STXBP2: variants seen among roughly 807,000 people sequenced by gnomAD.
STXBP2 encodes the protein syntaxin-binding protein 2.
STXBP2 carries 47 observed loss-of-function variants against 72.2 expected under a neutral mutation model. The ratio of observed to expected loss-of-function variants is 0.65; its 90% CI spans 0.51 to 0.83. The LOEUF (loss-of-function observed/expected upper bound fraction) is 0.83. Ranked by LOEUF, STXBP2 falls within the 40% of genes least tolerant of loss-of-function variation. The pLI, the probability that STXBP2 is intolerant of heterozygous loss-of-function variation, is 0.00. For missense variants in STXBP2, 702 were observed against 807.6 expected, an observed-to-expected ratio of 0.87 and a Z score of 1.58; for synonymous variants, 367 against 338.7, an observed-to-expected ratio of 1.08 and a Z score of -0.92.
upstream of STXBP2, chr19:7,632,194 G>A (rs2031342055): frequency 1.2e-6 from 1 of 814,230 alleles, no homozygotes; most frequent in Non-Finnish European, 1.9e-6. The surrounding 1 kb of genome is among the most constrained non-coding windows in gnomAD (Gnocchi z 5.2). Flanking sequence ...TTCCAGCCAT[G>A]GGTCTTACAC....
rs114628602 is a variant in STXBP2, at chr19:7,644,710, G to A, written c.1204G>A (p.Asp402Asn). ...VLLDAAVPAY[D>N]KIRVLLLYIL... ...GCTGGACGCGGCGGTGCCCGCCTACGACAAGATCCGGGTCCTGCTGCTCTA... is the reference window on the plus strand; with the variant it reads ...GCTGGACGCGGCGGTGCCCGCCTACAACAAGATCCGGGTCCTGCTGCTCTA... The change falls in exon 14 of 19, where the codon GAC becomes AAC. Residue 402 changes from aspartate to asparagine, a missense_variant. Coordinates refer to ENST00000221283, the MANE Select transcript of STXBP2 (RefSeq NM_006949.4). 6.6e-5 allele frequency: 106 copies of A among 1,613,806 alleles called. No individual in the cohort carries two copies. The highest frequency in any genetic ancestry group is 5.2e-4 in the South Asian group (47 of 91,088).
intron 4 of STXBP2, chr19:7,640,332 ATGCGTGTGTG>A: frequency 2.1e-6 from 1 of 473,694 alleles, no homozygotes; most frequent in Non-Finnish European, 3.9e-6. Flanking sequence ...GTGCGTGTGT[ATGCGTGTGTG>A]TATGCGTCTG....
At chr19:7,630,318 G>T in the STXBP2 span, 1 of 549,288 alleles carries the variant, frequency 1.8e-6, no homozygotes, top group Non-Finnish European at 3.3e-6. Flanking sequence ...TGTAGCTGGG[G>T]CGTCTGTGTG....
chr19:7,641,279 A>T, intron 6 of STXBP2: 1 of 523,638 alleles, frequency 1.9e-6, no homozygotes, highest in African/African-American at 1.9e-5. Context: ...CTGGGGTGGG[A>T]GAGTCGCTTG....
chr19:7,639,177 C>A, intron 3 of STXBP2, 77 bp downstream of exon 3: 1 of 1,480,604 alleles, frequency 6.8e-7, no homozygotes, highest in Non-Finnish European at 9.3e-7. Context: ...AGGGTTCAGC[C>A]CTTGAGTGTA....
chr19:7,630,971 G>T, the STXBP2 span: 1 of 1,224,062 alleles, frequency 8.2e-7, no homozygotes, highest in South Asian at 1.3e-5. Context: ...GGGCATGGGA[G>T]GCTGAGGTGG....
At chr19:7,630,733 C>T in the STXBP2 span, 1 of 1,532,314 alleles carries the variant, frequency 6.5e-7, no homozygotes, top group South Asian at 1.2e-5. Flanking sequence ...CTGCTGGGGA[C>T]TAATGTCTGC....
At chr19:7,634,972 G>A (rs1386707953), upstream of STXBP2, among the ~76,000 whole-genome samples, 2 of 152,304 alleles carry the variant, frequency 1.3e-5, no homozygotes, top group South Asian at 4.1e-4. Flanking sequence ...ATCTTACAAG[G>A]ACACCAGTGA....
At chr19:7,641,123 G>A (rs1413317078) in intron 6 of STXBP2, 120 bp downstream of exon 6, 1 of 1,040,492 alleles carries the variant, frequency 9.6e-7, no homozygotes, top group Admixed American at 2.0e-5. Context: ...CCAGCGCTGT[G>A]GGAGGCCAGG....
At chr19:7,637,854 TCTCTC>T (rs1013414219) in intron 1 of STXBP2, among the ~76,000 whole-genome samples, 15 of 152,168 alleles carry the variant, frequency 9.9e-5, no homozygotes, top group Non-Finnish European at 1.8e-4. Context: ...CCCCGTTACT[TCTCTC>T]CACTCTCTCC....
At chr19:7,645,412 G>A in intron 15 of STXBP2, 106 bp downstream of exon 15, 1 of 1,157,630 alleles carries the variant, frequency 8.6e-7, no homozygotes, top group South Asian at 1.4e-5. Flanking sequence ...GTGGTTCCTG[G>A]CGTGGTGTGG....
At chr19:7,633,276 T>G (rs2031407864), upstream of STXBP2, 1 of 991,416 alleles carries the variant, frequency 1.0e-6, no homozygotes, top group Non-Finnish European at 1.5e-6. Flanking sequence ...CCAGCCCCTT[T>G]CTACAGCCAC....
Position 7,642,386 on chromosome 19 carries a change from T to A in STXBP2, c.795-43T>A. ...CCTTGCCACTGACCTGGTTCCCCAG[T>A]CCTCAGCTCCCCTGACCCCCAGGCT... On this transcript the variant is annotated intron_variant, in intron 9 of 18. Transcript: ENST00000221283. This position sits in a 1 kb window ranked among gnomAD's most constrained non-coding sequence, Gnocchi z 6.0. The A allele has an allele frequency of 6.2e-7, 1 of 1,613,416 alleles. No individual in the cohort carries two copies. Among genetic ancestry groups the A allele is most frequent in the East Asian group, 2.2e-5 (1 of 44,868 alleles).
chr19:7,640,234 C>T, intron 4 of STXBP2: 1 of 490,450 alleles, frequency 2.0e-6, no homozygotes, highest in East Asian at 5.1e-5. Flanking sequence ...GTGTGTGCGT[C>T]TGTGTGTATC....
intron 14 of STXBP2, 136 bp from the exon 15 acceptor site, chr19:7,645,061 C>A: frequency 6.8e-7 from 1 of 1,464,174 alleles, no homozygotes; most frequent in Non-Finnish European, 9.2e-7. Context: ...CTCACACTAG[C>A]ACAGGGTACT....
At chr19:7,644,551 C>T (rs910995716) in intron 13 of STXBP2, 63 bp from the exon 14 acceptor site, 23 of 1,598,458 alleles carry the variant, frequency 1.4e-5, no homozygotes, top group East Asian at 6.7e-5. Flanking sequence ...GTCCTTGGCC[C>T]GCCTCTCCCA....
rs374632930 is a variant in STXBP2, at chr19:7,646,242, C to A, written c.1357-7C>A. Reference sequence around the variant, plus strand: ...TCCCCCTGCTGCCCTCCCTGCCCTGCCTGTAGGGCTCGGGGACCTCCAGCC... The same window carrying A: ...TCCCCCTGCTGCCCTCCCTGCCCTGACTGTAGGGCTCGGGGACCTCCAGCC... On this transcript the variant is annotated splice_polypyrimidine_tract_variant and splice_region_variant and intron_variant, in intron 15 of 18. Coordinates refer to ENST00000221283, the MANE Select transcript of STXBP2 (RefSeq NM_006949.4). The A allele has an allele frequency of 1.8e-5, 28 of 1,597,468 alleles. No individual in the cohort carries two copies. The highest frequency in any genetic ancestry group is 2.3e-5 in the Non-Finnish European group (27 of 1,173,098).
chr19:7,643,497 C>T (rs1443062200), intron 13 of STXBP2, among the ~76,000 whole-genome samples: 1 of 151,988 alleles, frequency 6.6e-6, no homozygotes, highest in African/African-American at 2.4e-5. Flanking sequence ...GGGGCAGAGC[C>T]TTGGACAGGT....
Position 7,641,184 on chromosome 19 carries a change from C to T in STXBP2, c.429+181C>T, listed in dbSNP as rs973419110. On this transcript the variant is annotated intron_variant, in intron 6 of 18. Coordinates refer to ENST00000221283, the MANE Select transcript of STXBP2 (RefSeq NM_006949.4). ...GTTTGAGACCAGCCTGGGTACAGAG[C>T]AAGACCCCGTCTCTTAAAAAAAGAA... 8.6e-6 allele frequency: 6 copies of T among 700,742 alleles called. No homozygotes were observed. The African/African-American group carries it at 8.8e-5, about 10-fold the overall frequency. 43.4% of individuals were successfully genotyped at this position (700,742 alleles called of 1,614,324 possible). A position where few individuals can be genotyped will look rare whatever the true frequency, so the allele number is the denominator to read the frequency against.
Sources: gnomAD v4.1 joint callset for allele counts (sites outside exome capture counted in the v4.1 genomes callset) on GRCh38, gnomAD v4.1.1 for gene constraint, Gnocchi (gnomAD v3.1) non-coding constraint, MANE v1.5 for transcripts, NCBI Gene and HGNC (gene_info 2026-07-23, HGNC 2026-07-21) for gene names.